ZFAND6: variants seen among roughly 807,000 people sequenced by gnomAD.
ZFAND6 encodes zinc finger AN1-type containing 6.
ZFAND6 carries 12 observed loss-of-function variants against 24.5 expected under a neutral mutation model. That is an observed-to-expected ratio of 0.49 (90% CI 0.31 to 0.79). The LOEUF (loss-of-function observed/expected upper bound fraction) is 0.79, where lower values mean the gene tolerates loss of function less well. Among genes scored for constraint, ZFAND6 ranks in the 30% least tolerant of loss-of-function variants. The pLI is 0.04. For missense variants in ZFAND6, 207 were observed against 245.9 expected (o/e 0.84, Z 1.06); for synonymous variants, 92 against 81.5 (o/e 1.13, Z -0.69).
At chr15:80,126,574 C>T (rs551791180) in intron 5 of ZFAND6, among the ~76,000 whole-genome samples, 1 of 152,132 alleles carries the variant, frequency 6.6e-6, no homozygotes, top group African/African-American at 2.4e-5. Flanking sequence ...GATGCAGGAA[C>T]AACTTCATAT....
At chr15:80,067,400 T>C (rs2036707680) in intron 1 of ZFAND6, among the ~76,000 whole-genome samples, 1 of 152,232 alleles carries the variant, frequency 6.6e-6, no homozygotes, top group Admixed American at 6.5e-5. Flanking sequence ...GAGGAATCCT[T>C]CCTTGATGCC....
chr15:80,114,012 GATGGGAT>G (rs1207449321), intron 2 of ZFAND6, among the ~76,000 whole-genome samples: 4 of 152,186 alleles, frequency 2.6e-5, no homozygotes, highest in African/African-American at 9.6e-5. Flanking sequence ...TACAAAGGTA[GATGGGAT>G]ATACTAAAAA....
intron 1 of ZFAND6, among the ~76,000 whole-genome samples, chr15:80,068,458 A>G (rs1299758088): frequency 3.3e-5 from 5 of 150,882 alleles, no homozygotes; most frequent in African/African-American, 9.8e-5. Flanking sequence ...TGCAGCCTCC[A>G]GCCCCCGGGT....
chr15:80,104,374 T>A (rs2039201888), intron 2 of ZFAND6, among the ~76,000 whole-genome samples: 1 of 152,084 alleles, frequency 6.6e-6, no homozygotes, highest in African/African-American at 2.4e-5. Flanking sequence ...AATACAAAAA[T>A]TAGGTATGGT....
At chr15:80,133,494 C>A (rs766108547) in intron 6 of ZFAND6, among the ~76,000 whole-genome samples, 1 of 151,986 alleles carries the variant, frequency 6.6e-6, no homozygotes, top group Non-Finnish European at 1.5e-5. Flanking sequence ...CACACCTGGC[C>A]GGTTTGGTAA....
chr15:80,080,910 G>A (rs569236986), intron 1 of ZFAND6, among the ~76,000 whole-genome samples: 2 of 152,306 alleles, frequency 1.3e-5, no homozygotes, highest in Admixed American at 6.5e-5. Flanking sequence ...CAAGGGGATG[G>A]TGTTAAGCTA....
chr15:80,095,412 C>G (rs553630546), intron 1 of ZFAND6, among the ~76,000 whole-genome samples: 18 of 152,276 alleles, frequency 1.2e-4, no homozygotes, highest in African/African-American at 4.3e-4. Context: ...TGATACCTGC[C>G]AGGTTCCTCT....
At chr15:80,137,420 A>G in intron 6 of ZFAND6, 60 bp from the exon 7 acceptor site, 1 of 1,553,206 alleles carries the variant, frequency 6.4e-7, no homozygotes, top group Non-Finnish European at 8.6e-7. Context: ...AGTATTAATT[A>G]TGCCAAAGAC....
intron 2 of ZFAND6, among the ~76,000 whole-genome samples, chr15:80,116,180 A>ATG (rs1419548926): frequency 1.4e-5 from 2 of 147,552 alleles, no homozygotes; most frequent in Non-Finnish European, 3.0e-5. Flanking sequence ...TATGTATTTT[A>ATG]TGTATATCTG....
chr15:80,131,858 A>G (rs1036720218), intron 6 of ZFAND6, among the ~76,000 whole-genome samples: 3 of 152,230 alleles, frequency 2.0e-5, no homozygotes, highest in Non-Finnish European at 4.4e-5. Flanking sequence ...CAGGGATGAG[A>G]GTAACTAATT....
intron 2 of ZFAND6, among the ~76,000 whole-genome samples, chr15:80,118,036 A>ATG (rs751423770): frequency 1.5e-4 from 22 of 145,646 alleles, no homozygotes; most frequent in African/African-American, 3.4e-4. Context: ...GTGTGTGTGT[A>ATG]TATGTATGTA....
intron 2 of ZFAND6, among the ~76,000 whole-genome samples, chr15:80,110,726 C>T (rs182914514): frequency 1.3e-5 from 2 of 152,180 alleles, no homozygotes; most frequent in African/African-American, 4.8e-5. Context: ...AAAGATGAGA[C>T]TGTAGGGAAA....
intron 1 of ZFAND6, among the ~76,000 whole-genome samples, chr15:80,087,851 T>C (rs1334827549): frequency 6.6e-6 from 1 of 152,110 alleles, no homozygotes; most frequent in Non-Finnish European, 1.5e-5. Flanking sequence ...TCCTTGGGGG[T>C]GTATTATGCA....
chr15:80,102,161 A>G (rs536783705), intron 2 of ZFAND6, among the ~76,000 whole-genome samples: 166 of 149,722 alleles, frequency 1.1e-3, no homozygotes, highest in African/African-American at 4.0e-3. Context: ...TTTCATTTTT[A>G]TTTTTGAGAT....
rs1596329803 is a variant in ZFAND6 at position 80,138,080 on chromosome 15, T to C, written c.*452T>C. 6.5e-6 allele frequency: 1 copy of C among 153,080 alleles called. No individual in the cohort carries two copies. The highest frequency in any genetic ancestry group is 1.5e-5 in the Non-Finnish European group (1 of 68,328). The allele number at this position is 153,080 out of a possible 1,614,324, so 9.5% of individuals were successfully genotyped here. A position where few individuals can be genotyped will look rare whatever the true frequency, so the allele number is the denominator to read the frequency against. On this transcript the variant is annotated 3_prime_UTR_variant, in exon 7 of 7. Coordinates refer to ENST00000261749, the MANE Select transcript of ZFAND6 (RefSeq NM_019006.4). ...AATGTATCTTAATCATTATGGCTGC[T>C]TCTGTTTTTTCATTAACAAAGGTTA...
chr15:80,098,691 A>G (rs1407949932), intron 2 of ZFAND6, 113 bp downstream of exon 2: 1 of 152,150 alleles, frequency 6.6e-6, no homozygotes, highest in African/African-American at 2.4e-5. Context: ...AGACATTTTT[A>G]GGGTGTATTT....
intron 2 of ZFAND6, among the ~76,000 whole-genome samples, chr15:80,104,252 G>A (rs2039194431): frequency 2.0e-5 from 3 of 152,184 alleles, no homozygotes; most frequent in South Asian, 2.1e-4. Context: ...CTGGGTGGGC[G>A]GTTCACGCCT....
intron 1 of ZFAND6, among the ~76,000 whole-genome samples, chr15:80,064,735 G>A (rs1418041931): frequency 6.6e-6 from 1 of 152,016 alleles, no homozygotes; most frequent in Non-Finnish European, 1.5e-5. Context: ...CTACTTCCTG[G>A]GCTGAAGTGA....
intron 1 of ZFAND6, among the ~76,000 whole-genome samples, chr15:80,086,625 T>C (rs1157306371): frequency 1.3e-5 from 2 of 152,242 alleles, no homozygotes; most frequent in African/African-American, 4.8e-5. Context: ...TACATTCATG[T>C]TGCACTACCT....
Sources: allele counts gnomAD v4.1 joint callset (sites outside exome capture counted in the v4.1 genomes callset), GRCh38; gene constraint gnomAD v4.1.1; transcripts MANE v1.5; gene names NCBI Gene and HGNC (gene_info 2026-07-23, HGNC 2026-07-21).